The following KCNH8 variants were observed in gnomAD, a reference collection of about 807,000 sequenced individuals.
KCNH8 encodes potassium voltage-gated channel subfamily H member 8.
Under a neutral mutation model 103.6 loss-of-function variants are expected in KCNH8, and 70 were observed. The ratio of observed to expected loss-of-function variants is 0.68; its 90% confidence interval spans 0.56 to 0.82. KCNH8 has a LOEUF of 0.82. Ranked by LOEUF, KCNH8 falls within the 40% of genes least tolerant of loss-of-function variation. KCNH8 has a pLI of 0.00. For synonymous variants in KCNH8, 498 were observed against 489.4 expected, an observed-to-expected ratio of 1.02 and a Z score of -0.23; for missense variants, 1,217 against 1,329.9, an observed-to-expected ratio of 0.92 and a Z score of 1.32.
chr3:19,378,821 A>C (rs1257589889), intron 5 of KCNH8, among the ~76,000 whole-genome samples: 2 of 152,222 alleles, frequency 1.3e-5, no homozygotes, highest in African/African-American at 4.8e-5. Context: ...CAAACTTCAG[A>C]GCCTAATATC....
chr3:19,216,314 G>A (rs1202262627), intron 1 of KCNH8, among the ~76,000 whole-genome samples: 5 of 152,214 alleles, frequency 3.3e-5, no homozygotes, highest in African/African-American at 4.8e-5. Context: ...CATCAGGGAC[G>A]AAGAGTGTTT....
chr3:19,427,924 G>T (rs2067053449), intron 7 of KCNH8, among the ~76,000 whole-genome samples: 1 of 152,146 alleles, frequency 6.6e-6, no homozygotes, highest in African/African-American at 2.4e-5. Flanking sequence ...AAAATCTACT[G>T]GGGTAGCTAT....
chr3:19,454,696 T>C (rs2067504033), intron 10 of KCNH8, among the ~76,000 whole-genome samples: 1 of 152,130 alleles, frequency 6.6e-6, no homozygotes, highest in Admixed American at 6.6e-5. Context: ...TAAAAACTAC[T>C]TACGGCTGAA....
intron 4 of KCNH8, among the ~76,000 whole-genome samples, chr3:19,347,194 G>A (rs974925843): frequency 3.9e-5 from 6 of 152,060 alleles, no homozygotes; most frequent in Non-Finnish European, 8.8e-5. Context: ...TAGTTAGCAC[G>A]ACTTGGCTAT....
chr3:19,370,575 T>C (rs918521562), intron 5 of KCNH8, among the ~76,000 whole-genome samples: 1 of 152,096 alleles, frequency 6.6e-6, no homozygotes, highest in African/African-American at 2.4e-5. Flanking sequence ...AAGATAATTT[T>C]AAAGAATAAA....
intron 7 of KCNH8, among the ~76,000 whole-genome samples, chr3:19,405,252 G>A (rs2066674054): frequency 6.6e-6 from 1 of 151,630 alleles, no homozygotes; most frequent in Non-Finnish European, 1.5e-5. Context: ...TAAGTATTAT[G>A]CATTTTTGTG....
chr3:19,226,103 T>C (rs1332142173), intron 1 of KCNH8, among the ~76,000 whole-genome samples: 2 of 152,218 alleles, frequency 1.3e-5, no homozygotes, highest in African/African-American at 4.8e-5. Context: ...ATGGAATAAA[T>C]ATTGAATGCT....
At chr3:19,376,394 G>T (rs2066203945) in intron 5 of KCNH8, among the ~76,000 whole-genome samples, 1 of 152,172 alleles carries the variant, frequency 6.6e-6, no homozygotes, top group African/African-American at 2.4e-5. Flanking sequence ...TCTTTGACTG[G>T]GAAAGGGAAC....
intron 1 of KCNH8, among the ~76,000 whole-genome samples, chr3:19,226,570 G>C (rs1037902846): frequency 1.3e-5 from 2 of 148,696 alleles, no homozygotes; most frequent in Non-Finnish European, 3.0e-5. Context: ...CTCTCTCTCT[G>C]TTTCTTTCAG....
At chr3:19,239,990 G>A (rs982943784) in intron 1 of KCNH8, among the ~76,000 whole-genome samples, 8 of 151,986 alleles carry the variant, frequency 5.3e-5, no homozygotes, top group African/African-American at 9.7e-5. Context: ...CCCAGTGTTC[G>A]TGGACTCAAA....
At chr3:19,421,078 T>G (rs2066944492) in intron 7 of KCNH8, among the ~76,000 whole-genome samples, 1 of 152,168 alleles carries the variant, frequency 6.6e-6, no homozygotes, top group Non-Finnish European at 1.5e-5. Context: ...TGACACTTTT[T>G]AAAAAATTGG....
chr3:19,422,970 G>A (rs1203124030), intron 7 of KCNH8, among the ~76,000 whole-genome samples: 1 of 152,076 alleles, frequency 6.6e-6, no homozygotes, highest in Non-Finnish European at 1.5e-5. Context: ...CACTGCAGGT[G>A]AAAGAATTTT....
At chr3:19,219,217 T>TAAG (rs2063847114) in intron 1 of KCNH8, among the ~76,000 whole-genome samples, 1 of 152,144 alleles carries the variant, frequency 6.6e-6, no homozygotes, top group Admixed American at 6.5e-5. Flanking sequence ...CTCCCTTCTT[T>TAAG]AAGTATGTCT....
chr3:19,169,321 C>T (rs889663377), intron 1 of KCNH8, among the ~76,000 whole-genome samples: 4 of 147,672 alleles, frequency 2.7e-5, no homozygotes, highest in South Asian at 4.3e-4. Flanking sequence ...TGCAGTGGCG[C>T]GATCTTGGCT....
At chr3:19,252,168 A>G (rs765263667) in intron 1 of KCNH8, among the ~76,000 whole-genome samples, 7 of 152,100 alleles carry the variant, frequency 4.6e-5, no homozygotes, top group Non-Finnish European at 8.8e-5. Context: ...CCCATCTCCA[A>G]CATGCATCTT....
At chr3:19,166,494 T>C (rs552465513) in intron 1 of KCNH8, among the ~76,000 whole-genome samples, 34 of 152,340 alleles carry the variant, frequency 2.2e-4, no homozygotes, top group African/African-American at 7.9e-4. Context: ...GATCAGTGTA[T>C]GCTTTGTCCC....
At chr3:19,322,604 T>G (rs1431816747) in intron 3 of KCNH8, among the ~76,000 whole-genome samples, 2 of 152,342 alleles carry the variant, frequency 1.3e-5, no homozygotes, top group East Asian at 3.9e-4. Flanking sequence ...ATCTGAAGCT[T>G]TTACCTCACA....
At chr3:19,349,083 T>A (rs562914564) in intron 5 of KCNH8, among the ~76,000 whole-genome samples, 2 of 152,034 alleles carry the variant, frequency 1.3e-5, no homozygotes, top group Non-Finnish European at 2.9e-5. Flanking sequence ...ATAGGACCTC[T>A]GCTGTCACCC....
At chr3:19,386,377 A>G (rs2066356717) in intron 5 of KCNH8, among the ~76,000 whole-genome samples, 1 of 152,136 alleles carries the variant, frequency 6.6e-6, no homozygotes, top group African/African-American at 2.4e-5. Context: ...TGGGTATATT[A>G]TGATTAGTTT....
Sources: gnomAD v4.1 joint callset for allele counts (sites outside exome capture counted in the v4.1 genomes callset) on GRCh38, gnomAD v4.1.1 for gene constraint, MANE v1.5 for transcripts, NCBI Gene and HGNC (gene_info 2026-07-23, HGNC 2026-07-21) for gene names.